Variants in KLHL29 observed in about 807,000 individuals in gnomAD.
KLHL29 encodes kelch-like protein 29.
Under a neutral mutation model 80.4 loss-of-function variants are expected in KLHL29, and 21 were observed. The ratio of observed to expected loss-of-function variants is 0.26; its 90% confidence interval spans 0.19 to 0.38. The LOEUF (loss-of-function observed/expected upper bound fraction) is 0.38. Ranked by LOEUF, KLHL29 falls within the 10% of genes least tolerant of loss-of-function variation. The pLI is 1.00. For missense variants in KLHL29, 867 were observed against 1,223.9 expected (o/e 0.71, Z 4.35); for synonymous variants, 511 against 526.8 (o/e 0.97, Z 0.41).
intron 3 of KLHL29, among the ~76,000 whole-genome samples, chr2:23,635,295 C>T (rs1443131516): frequency 6.6e-6 from 1 of 152,246 alleles, no homozygotes; most frequent in Non-Finnish European, 1.5e-5. Context: ...GCCCCTTGCC[C>T]TCTGCCAGGA....
intron 1 of KLHL29, among the ~76,000 whole-genome samples, chr2:23,464,837 T>C (rs1409484241): frequency 6.6e-6 from 1 of 152,216 alleles, no homozygotes; most frequent in African/African-American, 2.4e-5. Context: ...CCACCTCTTC[T>C]CTTAATTATT....
chr2:23,601,749 T>C (rs472798), intron 3 of KLHL29, among the ~76,000 whole-genome samples: 5,247 of 152,208 alleles, frequency 0.034, 271 homozygotes, highest in African/African-American at 0.12. Context: ...GTTGGTAGGT[T>C]CCCAGGCTAG....
At chr2:23,585,231 G>C (rs890444779) in intron 3 of KLHL29, among the ~76,000 whole-genome samples, 1 of 152,182 alleles carries the variant, frequency 6.6e-6, no homozygotes, top group Admixed American at 6.5e-5. Flanking sequence ...CCACGTGCTC[G>C]GCAACATGGC....
In KLHL29 at chr2:23,516,941, G is replaced by T. The variant is rs1171945929; in HGVS notation, c.-46+41274G>T. Among the ~76,000 whole-genome samples the T allele has an allele frequency of 2.0e-5, 3 of 152,366 alleles. No homozygotes were observed. The East Asian group carries it at 5.8e-4, about 29-fold the overall frequency. On this transcript the variant is annotated intron_variant, in intron 2 of 13. Coordinates refer to ENST00000486442, the MANE Select transcript of KLHL29 (RefSeq NM_052920.2). ...CCGCCAGCCCATGTCTCTGAAGACA[G>T]GGGAGGCAGCGTGGGCTTTGTCAGG...
chr2:23,620,669 C>T (rs965044531), intron 3 of KLHL29, among the ~76,000 whole-genome samples: 2 of 152,066 alleles, frequency 1.3e-5, no homozygotes, highest in South Asian at 2.1e-4. Context: ...CAAGTGGAAG[C>T]GTCGAGTGGG....
At chr2:23,536,527 C>T (rs1427874111) in intron 2 of KLHL29, among the ~76,000 whole-genome samples, 1 of 152,198 alleles carries the variant, frequency 6.6e-6, no homozygotes, top group Non-Finnish European at 1.5e-5. Flanking sequence ...TTGATTTGTT[C>T]TTTGAATGGC....
At chr2:23,401,125 C>T (rs897678730) in intron 1 of KLHL29, among the ~76,000 whole-genome samples, 2 of 152,180 alleles carry the variant, frequency 1.3e-5, no homozygotes, top group Non-Finnish European at 2.9e-5. Context: ...GGCAGTACCT[C>T]ATGTCATGAC....
At chr2:23,698,458 A>G (rs918596764) in intron 11 of KLHL29, among the ~76,000 whole-genome samples, 6 of 152,214 alleles carry the variant, frequency 3.9e-5, no homozygotes, top group Admixed American at 2.0e-4. Context: ...TCAGGGTGAC[A>G]GGAAGGTCAG....
chr2:23,633,768 T>TGTG (rs1669533877), intron 3 of KLHL29, among the ~76,000 whole-genome samples: 1 of 151,578 alleles, frequency 6.6e-6, no homozygotes. Context: ...TGTGTGTGTG[T>TGTG]GTGTGTGTGT....
chr2:23,417,580 C>T (rs570458037), intron 1 of KLHL29, among the ~76,000 whole-genome samples: 2 of 152,300 alleles, frequency 1.3e-5, no homozygotes, highest in South Asian at 4.1e-4. Flanking sequence ...GAAATGAAGT[C>T]GTTTGTCCAG....
rs1662641337 is a variant in KLHL29, at chr2:23,418,002, T to G, written c.-154+32222T>G. 2.6e-5 allele frequency among the ~76,000 whole-genome samples: 4 copies of G among 152,280 alleles called. No individual in the cohort carries two copies. In the South Asian group the frequency reaches 8.3e-4, roughly 32 times the overall value. On this transcript the variant is annotated intron_variant, in intron 1 of 13. Coordinates refer to ENST00000486442, the MANE Select transcript of KLHL29 (RefSeq NM_052920.2). ...TTGTTCATCTTTCCCCTCAGCTAGA[T>G]TGTGATTTCCTTGAGGGCAGGGTCT...
At chr2:23,557,911 C>A (rs1667339619) in intron 2 of KLHL29, among the ~76,000 whole-genome samples, 1 of 152,150 alleles carries the variant, frequency 6.6e-6, no homozygotes, top group Non-Finnish European at 1.5e-5. Flanking sequence ...AGTGCCTTAT[C>A]ACAACAAAGA....
At chr2:23,516,508 A>G (rs1392166345) in intron 2 of KLHL29, among the ~76,000 whole-genome samples, 1 of 152,016 alleles carries the variant, frequency 6.6e-6, no homozygotes, top group Admixed American at 6.6e-5. Flanking sequence ...CAGACCCTCC[A>G]GGGACAATGC....
intron 1 of KLHL29, among the ~76,000 whole-genome samples, chr2:23,408,995 T>C (rs938009100): frequency 1.3e-5 from 2 of 151,460 alleles, no homozygotes; most frequent in African/African-American, 4.9e-5. Context: ...TGTTGGGGGG[T>C]GTGTGAGGGG....
intron 2 of KLHL29, among the ~76,000 whole-genome samples, chr2:23,550,470 C>T (rs1032656751): frequency 2.0e-5 from 3 of 152,198 alleles, no homozygotes; most frequent in Admixed American, 6.5e-5. Context: ...AAGTGGCTGT[C>T]GGTTTTGCAT....
At chr2:23,496,424 C>CAGG (rs1255119171) in intron 2 of KLHL29, among the ~76,000 whole-genome samples, 1 of 152,160 alleles carries the variant, frequency 6.6e-6, no homozygotes, top group African/African-American at 2.4e-5. Flanking sequence ...CCATTCATTC[C>CAGG]AGGTCCTCTT....
Position 23,397,003 on chromosome 2 carries a change from C to T in KLHL29, c.-154+11223C>T, listed in dbSNP as rs74687103. ...TGTGACCTTGAGGGAGGCTTCCTCC[C>T]TGGCCCCAGGTGTCTGACAAGGTCT... On this transcript the variant is annotated intron_variant, in intron 1 of 13. Transcript: ENST00000486442. Among the ~76,000 whole-genome samples the T allele has an allele frequency of 1.4e-3, 211 of 152,310 alleles. 1 individual carries two copies. Among genetic ancestry groups the T allele is most frequent in the African/African-American group, 4.9e-3 (203 of 41,568 alleles).
intron 3 of KLHL29, among the ~76,000 whole-genome samples, chr2:23,608,118 C>T (rs1387926220): frequency 6.6e-6 from 1 of 152,182 alleles, no homozygotes; most frequent in African/African-American, 2.4e-5. Context: ...TTTTGTTGTC[C>T]ACACAAAGAC....
intron 2 of KLHL29, among the ~76,000 whole-genome samples, chr2:23,502,285 A>G (rs1665470057): frequency 6.6e-6 from 1 of 152,222 alleles, no homozygotes. Flanking sequence ...AGGGAGAGAG[A>G]GCGAGAGAGA....
Sources: gnomAD v4.1 joint callset for allele counts (sites outside exome capture counted in the v4.1 genomes callset) on GRCh38, gnomAD v4.1.1 for gene constraint, MANE v1.5 for transcripts, NCBI Gene and HGNC (gene_info 2026-07-23, HGNC 2026-07-21) for gene names.